Variants in FAM120C observed in about 807,000 individuals in gnomAD.
The protein encoded by FAM120C is family with sequence similarity 120 member C, also known as constitutive coactivator of PPAR-gamma-like protein 2.
In FAM120C, 14 loss-of-function variants were observed where a neutral mutation model predicts 71.2. The observed-to-expected ratio is 0.20, with a 90% CI of 0.13 to 0.31. The LOEUF (loss-of-function observed/expected upper bound fraction) is 0.31. Ranked by LOEUF, FAM120C falls within the 10% of genes least tolerant of loss-of-function variation. The pLI is 1.00. For synonymous variants in FAM120C, 354 were observed against 353.2 expected (o/e 1.00, Z -0.03); for missense variants, 500 against 879.0 (o/e 0.57, Z 5.45).
At chrX:54,117,999 G>A (rs888907371) in intron 9 of FAM120C, among the ~76,000 whole-genome samples, 1 of 110,730 alleles carries the variant, frequency 9.0e-6, no homozygotes, top group Non-Finnish European at 1.9e-5. Context: ...CGAGGCGGGC[G>A]GATCACCTGA....
At chrX:54,096,530 C>A (rs1308466259) in intron 10 of FAM120C, among the ~76,000 whole-genome samples, 4 of 111,953 alleles carry the variant, frequency 3.6e-5, no homozygotes, top group Non-Finnish European at 7.5e-5. Flanking sequence ...TCAACTTTTT[C>A]TCTTTCATAC....
chrX:54,118,711 T>C (rs1205818531), intron 9 of FAM120C, among the ~76,000 whole-genome samples: 13 of 90,419 alleles, frequency 1.4e-4, no homozygotes, highest in East Asian at 1.0e-3. Flanking sequence ...TTTTTTTTTT[T>C]TTTTTTTTTT....
At chrX:54,136,352 C>G (rs1412220220) in intron 5 of FAM120C, 139 bp downstream of exon 5, 2 of 447,242 alleles carry the variant, frequency 4.5e-6, no homozygotes, top group Non-Finnish European at 3.9e-6. Context: ...AAGGAGAAAG[C>G]CTACCAAACA....
chrX:54,101,720 A>G (rs975513828), intron 10 of FAM120C, among the ~76,000 whole-genome samples: 8 of 111,949 alleles, frequency 7.1e-5, no homozygotes, highest in African/African-American at 2.6e-4. Context: ...TTCTTTGCCA[A>G]TTTATAACAA....
chrX:54,071,823 C>A lies in FAM120C; in HGVS notation c.*1210G>T, dbSNP rs1276575150. ...ATCCAACTTCTCATAGTTGTGAATG[C>A]ACTGTGACTTAGTAAGAATTTCAGA... On this transcript the variant is annotated 3_prime_UTR_variant, in exon 16 of 16. Coordinates refer to ENST00000375180, the MANE Select transcript of FAM120C (RefSeq NM_017848.6). 1.8e-5 allele frequency: 2 copies of A among 109,845 alleles called. No individual in the cohort carries two copies. Among genetic ancestry groups the A allele is most frequent in the East Asian group, 5.7e-4 (2 of 3,493 alleles). The allele number at this position is 109,845 out of a possible 1,213,427, so 9.1% of individuals were successfully genotyped here.
chrX:54,182,229 C>T (rs1430935788), intron 1 of FAM120C, among the ~76,000 whole-genome samples: 2 of 110,514 alleles, frequency 1.8e-5, no homozygotes, highest in African/African-American at 6.6e-5. Flanking sequence ...AGTGGTAGGC[C>T]AATTGGATAA....
chrX:54,169,452 T>G (rs1557135658), intron 1 of FAM120C, among the ~76,000 whole-genome samples: 2 of 112,166 alleles, frequency 1.8e-5, no homozygotes, highest in Admixed American at 9.5e-5. Flanking sequence ...GGCAGAATTA[T>G]GTTAGCACTC....
At chrX:54,139,332 T>TATTTATTTATTTA (rs2067111417) in intron 4 of FAM120C, among the ~76,000 whole-genome samples, 1 of 93,473 alleles carries the variant, frequency 1.1e-5, no homozygotes, top group Admixed American at 1.2e-4. Context: ...TTTTTGCTTT[T>TATTTATTTATTTA]ATTTATTTAT....
At chrX:54,100,386 G>A (rs782199306) in intron 10 of FAM120C, among the ~76,000 whole-genome samples, 14 of 112,004 alleles carry the variant, frequency 1.2e-4, no homozygotes, top group East Asian at 5.6e-4. Context: ...CCAGCTACTC[G>A]GGAGGCTGAG....
intron 1 of FAM120C, among the ~76,000 whole-genome samples, chrX:54,166,662 C>T (rs1277504515): frequency 9.0e-6 from 1 of 111,394 alleles, no homozygotes; most frequent in Non-Finnish European, 1.9e-5. Context: ...AGGTACAGAA[C>T]ATTATGCATA....
intron 10 of FAM120C, among the ~76,000 whole-genome samples, chrX:54,104,474 T>C (rs1427147017): frequency 1.8e-5 from 2 of 111,986 alleles, no homozygotes; most frequent in Non-Finnish European, 3.8e-5. Context: ...TTTATGCTAA[T>C]TGTTAAAACT....
At chrX:54,125,045 G>T (rs1246422859) in intron 9 of FAM120C, among the ~76,000 whole-genome samples, 1 of 110,613 alleles carries the variant, frequency 9.0e-6, no homozygotes, top group Non-Finnish European at 1.9e-5. Context: ...TGCTTTTGCA[G>T]CTTTGTCAAT....
Position 54,071,380 on chromosome X carries a change from C to T in FAM120C, c.*1653G>A, listed in dbSNP as rs189038554. On this transcript the variant is annotated 3_prime_UTR_variant, in exon 16 of 16. Coordinates refer to ENST00000375180, the MANE Select transcript of FAM120C (RefSeq NM_017848.6). ...GTCCTCTAAAGTCTTCCTTGCAAAG[C>T]AAATGAAAAGATCCAGTAGTCAGAA... 8.9e-6 allele frequency: 1 copy of T among 112,883 alleles called. No homozygotes were observed. Among genetic ancestry groups the T allele is most frequent in the Non-Finnish European group, 1.9e-5 (1 of 53,312 alleles). 9.3% of individuals were successfully genotyped at this position (112,883 alleles called of 1,213,427 possible).
intron 4 of FAM120C, among the ~76,000 whole-genome samples, chrX:54,137,361 G>A (rs1186432153): frequency 4.5e-5 from 5 of 112,035 alleles, no homozygotes; most frequent in Non-Finnish European, 9.4e-5. Flanking sequence ...CACTGTGGCT[G>A]GCTTACAGTA....
intron 11 of FAM120C, among the ~76,000 whole-genome samples, chrX:54,089,544 G>C (rs1465826039): frequency 2.7e-5 from 3 of 112,014 alleles, no homozygotes; most frequent in African/African-American, 9.7e-5. Context: ...TTAAGATTTT[G>C]CAAGTCTTAT....
chrX:54,108,687 T>C (rs2066919414), intron 10 of FAM120C, among the ~76,000 whole-genome samples: 1 of 110,834 alleles, frequency 9.0e-6, no homozygotes, highest in African/African-American at 3.3e-5. Context: ...TCCCAGCACT[T>C]TGGGAGGCCG....
intron 4 of FAM120C, among the ~76,000 whole-genome samples, chrX:54,140,939 CAA>C (rs781968438): frequency 7.7e-5 from 3 of 39,161 alleles, no homozygotes; most frequent in African/African-American, 9.6e-5. Context: ...GACTCCGTCT[CAA>C]AAAAAAAAAA....
intron 1 of FAM120C, among the ~76,000 whole-genome samples, chrX:54,169,297 T>TA (rs782281788): frequency 1.6e-4 from 18 of 111,049 alleles, no homozygotes; most frequent in African/African-American, 5.9e-4. Context: ...ACCCTGTCTT[T>TA]AAAAAAACAA....
intron 9 of FAM120C, among the ~76,000 whole-genome samples, chrX:54,117,366 A>ACATAC (rs1557126745): frequency 1.0e-4 from 9 of 88,870 alleles, no homozygotes; most frequent in African/African-American, 3.8e-4. Context: ...AAATAAAATA[A>ACATAC]AATAAAATAA....
Sources: gnomAD v4.1 joint callset for allele counts (sites outside exome capture counted in the v4.1 genomes callset) on GRCh38, gnomAD v4.1.1 for gene constraint, MANE v1.5 for transcripts, NCBI Gene and HGNC (gene_info 2026-07-23, HGNC 2026-07-21) for gene names.